Variants in SPATA46 observed in about 807,000 individuals in gnomAD.
SPATA46 encodes the protein spermatogenesis-associated protein 46.
In SPATA46, 3 loss-of-function variants were observed where a neutral mutation model predicts 6.2. The observed-to-expected ratio is 0.48, with a 90% CI of 0.22 to 1.25. SPATA46 has a LOEUF of 1.25. SPATA46 is among the 50% of genes most tolerant of loss of function. SPATA46 has a pLI of 0.20. For synonymous variants in SPATA46, 117 were observed against 123.3 expected, an observed-to-expected ratio of 0.95 and a Z score of 0.34; for missense variants, 308 against 323.5, an observed-to-expected ratio of 0.95 and a Z score of 0.37.
chr1:162,374,431 C>T lies in SPATA46; in HGVS notation c.403G>A (p.Ala135Thr), dbSNP rs949808395. 1.9e-5 allele frequency: 30 copies of T among 1,614,092 alleles called. No individual in the cohort carries two copies. The highest frequency in any genetic ancestry group is 2.5e-5 in the Non-Finnish European group (29 of 1,180,048). ...GAAGAGGACGAACAGATGTTCTCAG[C>T]CATGTCCTCAGAAAGGCAGTTGTCC... ...KWDNCLSEDM[A>T]ENICSSSSSP... The change falls in exon 3 of 3, where the codon GCT (alanine) becomes ACT (threonine). Residue 135 changes from alanine (A) to threonine (T), a missense_variant. By Grantham distance (58) the Ala-to-Thr change is moderately conservative. Transcript: ENST00000367935.
chr1:162,373,466 A>AGAGCTCAGTCCCGGGT lies in SPATA46; in HGVS notation c.*566_*581dup, dbSNP rs1209871774. The AGAGCTCAGTCCCGGGT allele has an allele frequency of 6.6e-6, 1 of 152,212 alleles. No individual in the cohort carries two copies. The highest frequency in any genetic ancestry group is 1.5e-5 in the Non-Finnish European group (1 of 68,066). The allele number at this position is 152,212 out of a possible 1,614,324, so 9.4% of individuals were successfully genotyped here. On this transcript the variant is annotated 3_prime_UTR_variant, in exon 3 of 3. Transcript: ENST00000367935. ...TCTAAGTGAATGATGGTAGTGCCTG[A>AGAGCTCAGTCCCGGGT]GAGCTCAGTCCCGGGTGAGCTCAGC... is the stretch of plus-strand genomic sequence containing the variant.
At position 162,374,967 on chromosome 1, in the gene SPATA46, C is replaced by T. The variant is rs572229287; in HGVS notation, c.217+323G>A. ...CAGGTGACCCAGCGGATAGCCAAAC[C>T]GGCGGCCTCCCACAGTCCCTCTTTT... On this transcript the variant is annotated intron_variant, in intron 2 of 2. Transcript: ENST00000367935. 3.7e-4 allele frequency among the ~76,000 whole-genome samples: 56 copies of T among 152,292 alleles called. 1 individual carries two copies. Among genetic ancestry groups the T allele is most frequent in the African/African-American group, 1.2e-3 (51 of 41,550 alleles).
rs566378295 is a variant in SPATA46 at position 162,373,918 on chromosome 1, G to T, written c.*130C>A. The T allele has an allele frequency of 1.2e-6, 1 of 833,290 alleles. No individual in the cohort carries two copies. The highest frequency in any genetic ancestry group is 1.9e-6 in the Non-Finnish European group (1 of 525,666). 51.6% of individuals were successfully genotyped at this position (833,290 alleles called of 1,614,324 possible). A position where few individuals can be genotyped will look rare whatever the true frequency, so the allele number is the denominator to read the frequency against. On this transcript the variant is annotated 3_prime_UTR_variant, in exon 3 of 3. Coordinates refer to ENST00000367935, the MANE Select transcript of SPATA46 (RefSeq NM_182581.4). ...ATTTTTAAAAGAGAGAAAGGGGAGG[G>T]TGTGTGCCTGGTGTTGCTAGGCAAC...
In SPATA46 at chr1:162,374,592, T is replaced by C. The variant is rs372388707; in HGVS notation, c.242A>G (p.His81Arg). The part of the protein sequence containing the change: ...SPDCSLGDTQ[H>R]GEKLRRNCTI... ...GCAGTTCCGCCTCAGCTTCTCTCCG[T>C]GCTGGGTATCCCCCAAGCTGCAGTC... Residue 81 changes from histidine to arginine, a missense_variant, in exon 3 of 3, where the codon CAC (histidine) becomes CGC (arginine). Coordinates refer to ENST00000367935, the MANE Select transcript of SPATA46 (RefSeq NM_182581.4). 1.9e-6 allele frequency: 3 copies of C among 1,612,802 alleles called. No individual in the cohort carries two copies. Among genetic ancestry groups the C allele is most frequent in the Non-Finnish European group, 2.5e-6 (3 of 1,179,352 alleles).
chr1:162,374,568 C>T lies in SPATA46; in HGVS notation c.266G>A (p.Cys89Tyr), dbSNP rs1187543194. Residue 89 changes from cysteine to tyrosine, a missense_variant, in exon 3 of 3, where the codon TGC becomes TAC. Coordinates refer to ENST00000367935, the MANE Select transcript of SPATA46 (RefSeq NM_182581.4). ...GGAGAACCAGGGCCGGTAGATAGTGCAGTTCCGCCTCAGCTTCTCTCCGTG... is the reference window on the plus strand; with the variant it reads ...GGAGAACCAGGGCCGGTAGATAGTGTAGTTCCGCCTCAGCTTCTCTCCGTG... ...TQHGEKLRRN[C>Y]TIYRPWFSPY... is the part of the protein sequence containing the mutation. The T allele has an allele frequency of 6.2e-7, 1 of 1,613,998 alleles. No individual in the cohort carries two copies. The highest frequency in any genetic ancestry group is 8.5e-7 in the Non-Finnish European group (1 of 1,179,932).
Position 162,374,110 on chromosome 1 carries a change from C to T in SPATA46, c.724G>A (p.Ala242Thr). 1 of 1,614,054 alleles carries T rather than the reference C, an allele frequency of 6.2e-7. No homozygotes were observed. The highest frequency in any genetic ancestry group is 8.5e-7 in the Non-Finnish European group (1 of 1,179,944). ...GDRLSSGSCQ[A>T]FNSPAEHLRQ... Reference sequence around the variant, plus strand: ...AGGTGTTCAGCAGGACTATTGAAGGCCTGGCAGCTGCCGGAGGAGAGCCTG... The same window carrying T: ...AGGTGTTCAGCAGGACTATTGAAGGTCTGGCAGCTGCCGGAGGAGAGCCTG... Residue 242 changes from alanine to threonine, a missense_variant, in exon 3 of 3, where the codon GCC becomes ACC. By Grantham distance (58) the Ala-to-Thr change is moderately conservative. Transcript: ENST00000367935.
intron 2 of SPATA46, 115 bp downstream of exon 2, chr1:162,375,175 G>A (rs1199693685): frequency 1.1e-6 from 1 of 877,966 alleles, no homozygotes; most frequent in Non-Finnish European, 1.8e-6. Context: ...GGCTGCAGGT[G>A]ACAAGACCGC....
At chr1:162,374,932 T>A (rs1371299031) in intron 2 of SPATA46, among the ~76,000 whole-genome samples, 1 of 152,156 alleles carries the variant, frequency 6.6e-6, no homozygotes, top group Non-Finnish European at 1.5e-5. Context: ...CCTCTAAGGA[T>A]AGACACAGAC....
In SPATA46 at chr1:162,373,770, A is replaced by C; in HGVS notation, c.*278T>G. ...CATAGACCGCCAGCCCCAGACCCATAGTTTCTGATTCAGTAGGTCTGAGGA... is the reference window on the plus strand; with the variant it reads ...CATAGACCGCCAGCCCCAGACCCATCGTTTCTGATTCAGTAGGTCTGAGGA... On this transcript the variant is annotated 3_prime_UTR_variant, in exon 3 of 3. Coordinates refer to ENST00000367935, the MANE Select transcript of SPATA46 (RefSeq NM_182581.4). 3.0e-6 allele frequency: 1 copy of C among 332,538 alleles called. No homozygotes were observed. 20.6% of individuals were successfully genotyped at this position (332,538 alleles called of 1,614,324 possible). A position where few individuals can be genotyped will look rare whatever the true frequency, so the allele number is the denominator to read the frequency against.
At chr1:162,375,196 C>G in intron 2 of SPATA46, 94 bp downstream of exon 2, 4 of 1,110,096 alleles carry the variant, frequency 3.6e-6, no homozygotes, top group Middle Eastern at 3.0e-4. Context: ...GCATGGGGGT[C>G]CAGCTTCCAG....
chr1:162,376,662 G>C, intron 1 of SPATA46, 26 bp downstream of exon 1: 1 of 1,589,576 alleles, frequency 6.3e-7, no homozygotes, highest in Non-Finnish European at 8.6e-7. Flanking sequence ...CCACATCTTT[G>C]TGGCCCTAGT....
chr1:162,375,252 T>A (rs1298389745), intron 2 of SPATA46, 38 bp downstream of exon 2: 2 of 1,540,928 alleles, frequency 1.3e-6, no homozygotes, highest in Non-Finnish European at 1.8e-6. Context: ...ATCCTTAGCC[T>A]CTCACACATT....
intron 1 of SPATA46, among the ~76,000 whole-genome samples, chr1:162,375,849 C>A (rs1343573051): frequency 6.6e-6 from 1 of 152,212 alleles, no homozygotes; most frequent in Non-Finnish European, 1.5e-5. Context: ...CGTGGGCCAT[C>A]ACTGCACGGC....
Position 162,374,192 on chromosome 1 carries a change from C to T in SPATA46, c.642G>A (p.Val214=), listed in dbSNP as rs917014840. 7.4e-6 allele frequency: 12 copies of T among 1,614,174 alleles called. No homozygotes were observed. The highest frequency in any genetic ancestry group is 1.0e-5 in the Non-Finnish European group (12 of 1,179,976). ...AGAGGGCTTTGAGCTTGCGGTAGTA[C>T]ACCTTGCAGCTGAAGCCCTCCCTGA... ...RGFREGFSCK[V]YYRKLKALWS... Residue 214 remains valine (V), a synonymous_variant, in exon 3 of 3, where the codon GTG becomes GTA. Transcript: ENST00000367935.
rs164158 is a variant in SPATA46 at position 162,373,598 on chromosome 1, C to T, written c.*450G>A. 39,371 of 154,434 alleles carry T rather than the reference C, an allele frequency of 0.25. 5,145 individuals carry two copies. The highest frequency in any genetic ancestry group is 0.33 in the Middle Eastern group (98 of 296). The allele number at this position is 154,434 out of a possible 1,614,324, so 9.6% of individuals were successfully genotyped here. On this transcript the variant is annotated 3_prime_UTR_variant, in exon 3 of 3. Coordinates refer to ENST00000367935, the MANE Select transcript of SPATA46 (RefSeq NM_182581.4). ...GCCTTTAAAACTGCAGAGATTCTTCCCCATGCAAATAGGAAAGGGCATCCA... is the reference window on the plus strand; with the variant it reads ...GCCTTTAAAACTGCAGAGATTCTTCTCCATGCAAATAGGAAAGGGCATCCA...
rs1230593467 is a variant in SPATA46 at position 162,375,289 on chromosome 1, C to T, written c.217+1G>A. 6 of 1,610,264 alleles carry T rather than the reference C, an allele frequency of 3.7e-6. No individual in the cohort carries two copies. Among genetic ancestry groups the T allele is most frequent in the Non-Finnish European group, 5.1e-6 (6 of 1,176,466 alleles). On this transcript the variant is annotated splice_donor_variant, in intron 2 of 2. Coordinates refer to ENST00000367935, the MANE Select transcript of SPATA46 (RefSeq NM_182581.4). LOFTEE classifies it high-confidence loss of function. ...CCGCCCAGAGTCAGAGAAGTCCTCA[C>T]CTGGTGAGAGCGCTGTGTTCTGTAT...
In SPATA46 at chr1:162,373,836, G is replaced by A. The variant is rs901536614; in HGVS notation, c.*212C>T. On this transcript the variant is annotated 3_prime_UTR_variant, in exon 3 of 3. Transcript: ENST00000367935. ...CAGGGGTTGCTGGTACTGCCAGCTG[G>A]GCACCTTTGAGAACCTCTATCTTAG... 1.3e-5 allele frequency: 7 copies of A among 528,872 alleles called. No homozygotes were observed. Among genetic ancestry groups the A allele is most frequent in the Non-Finnish European group, 1.9e-5 (6 of 308,830 alleles). 32.8% of individuals were successfully genotyped at this position (528,872 alleles called of 1,614,324 possible). A position where few individuals can be genotyped will look rare whatever the true frequency, so the allele number is the denominator to read the frequency against.
In SPATA46 at chr1:162,374,544, G is replaced by A. The variant is rs751933453; in HGVS notation, c.290C>T (p.Ser97Phe). ...RNCTIYRPWFSPYSYFVCADK... is the reference protein window; with the variant it reads ...RNCTIYRPWFFPYSYFVCADK... ...TGCACACACGAAGTAGCTGTAGGGG[G>A]AGAACCAGGGCCGGTAGATAGTGCA... The change falls in exon 3 of 3, where the codon TCC becomes TTC. Residue 97 changes from serine to phenylalanine, a missense_variant. Ser to Phe is a radical substitution (Grantham distance 155). Transcript: ENST00000367935. 6.2e-7 allele frequency: 1 copy of A among 1,614,226 alleles called. No individual in the cohort carries two copies. The highest frequency in any genetic ancestry group is 8.5e-7 in the Non-Finnish European group (1 of 1,180,042).
Position 162,374,107 on chromosome 1 carries a change from A to G in SPATA46, c.727T>C (p.Phe243Leu), listed in dbSNP as rs779396858. The change falls in exon 3 of 3, where the codon TTC (phenylalanine) becomes CTC (leucine). Residue 243 changes from phenylalanine to leucine, a missense_variant. By Grantham distance (22) the Phe-to-Leu change is conservative. Coordinates refer to ENST00000367935, the MANE Select transcript of SPATA46 (RefSeq NM_182581.4). ...CTAAGGTGTTCAGCAGGACTATTGA[A>G]GGCCTGGCAGCTGCCGGAGGAGAGC... ...DRLSSGSCQAFNSPAEHLRQI... is the reference protein window; with the variant it reads ...DRLSSGSCQALNSPAEHLRQI... 1.2e-5 allele frequency: 19 copies of G among 1,613,946 alleles called. No individual in the cohort carries two copies. Among genetic ancestry groups the G allele is most frequent in the Non-Finnish European group, 1.5e-5 (18 of 1,179,984 alleles).
Sources: allele counts gnomAD v4.1 joint callset (sites outside exome capture counted in the v4.1 genomes callset), GRCh38; gene constraint gnomAD v4.1.1; transcripts MANE v1.5; gene names NCBI Gene and HGNC (gene_info 2026-07-23, HGNC 2026-07-21).